The following CASK variants were observed in gnomAD, a reference collection of about 807,000 sequenced individuals.
CASK encodes the protein peripheral plasma membrane protein CASK.
In CASK, 4 loss-of-function variants were observed where a neutral mutation model predicts 82.9. The ratio of observed to expected loss-of-function variants is 0.05; its 90% CI spans 0.02 to 0.11. CASK has a LOEUF of 0.11. CASK is among the 10% of genes least tolerant of loss of function. CASK has a pLI of 1.00. For missense variants in CASK, 358 were observed against 720.9 expected, an observed-to-expected ratio of 0.50 and a Z score of 5.76; for synonymous variants, 259 against 253.5, an observed-to-expected ratio of 1.02 and a Z score of -0.20.
chrX:41,579,847 CT>C (rs1415801045), intron 14 of CASK, among the ~76,000 whole-genome samples: 1 of 111,367 alleles, frequency 9.0e-6, no homozygotes, highest in Non-Finnish European at 1.9e-5. Context: ...AGGTAACAAT[CT>C]GGTAAAATCA....
intron 5 of CASK, among the ~76,000 whole-genome samples, chrX:41,672,103 A>T (rs974934845): frequency 2.7e-5 from 3 of 109,760 alleles, no homozygotes; most frequent in East Asian, 2.9e-4. Context: ...GTTCCCAGGG[A>T]CTTCAACGCT....
At chrX:41,767,790 C>T (rs2069145527) in intron 3 of CASK, among the ~76,000 whole-genome samples, 1 of 111,491 alleles carries the variant, frequency 9.0e-6, no homozygotes, top group African/African-American at 3.3e-5. Flanking sequence ...ATGCCCTTCT[C>T]ATCACATCAT....
At chrX:41,809,748 T>C (rs932931200) in intron 2 of CASK, among the ~76,000 whole-genome samples, 20 of 112,244 alleles carry the variant, frequency 1.8e-4, no homozygotes, top group Non-Finnish European at 3.4e-4. Context: ...AGAATGACTT[T>C]GACGAGTTGA....
chrX:41,577,347 T>A (rs1416562944), intron 15 of CASK, among the ~76,000 whole-genome samples: 5 of 112,036 alleles, frequency 4.5e-5, no homozygotes, highest in Admixed American at 1.9e-4. Flanking sequence ...CAGAGTTCCA[T>A]CATATCTGCC....
chrX:41,633,394 C>A (rs1194797777), intron 9 of CASK, among the ~76,000 whole-genome samples: 1 of 110,570 alleles, frequency 9.0e-6, no homozygotes, highest in Non-Finnish European at 1.9e-5. Flanking sequence ...GTACCTCCTT[C>A]AGTAGATGAC....
intron 1 of CASK, among the ~76,000 whole-genome samples, chrX:41,917,726 C>T (rs982329749): frequency 8.9e-6 from 1 of 111,964 alleles, no homozygotes; most frequent in African/African-American, 3.2e-5. Context: ...TCAAACAACA[C>T]ACCCTAAAGC....
chrX:41,800,870 C>G (rs1240403551), intron 2 of CASK, among the ~76,000 whole-genome samples: 1 of 111,655 alleles, frequency 9.0e-6, no homozygotes, highest in Non-Finnish European at 1.9e-5. Context: ...AAGGCATTGT[C>G]AAAAAGAAGG....
chrX:41,625,942 CTTTTTTTTTTTT>C (rs748063155), intron 10 of CASK, among the ~76,000 whole-genome samples: 19 of 40,355 alleles, frequency 4.7e-4, no homozygotes, highest in Non-Finnish European at 7.8e-4. Flanking sequence ...GCACGCCTGG[CTTTTTTTTTTTT>C]TTTTTTTTTT....
chrX:41,606,917 TC>T (rs2065972342), intron 12 of CASK, among the ~76,000 whole-genome samples: 1 of 110,374 alleles, frequency 9.1e-6, no homozygotes, highest in African/African-American at 3.3e-5. Context: ...GGTCTTGAGC[TC>T]CTGGGCTCAA....
chrX:41,652,138 T>C (rs149569643), intron 8 of CASK, among the ~76,000 whole-genome samples: 131 of 110,816 alleles, frequency 1.2e-3, no homozygotes, highest in African/African-American at 4.1e-3. Flanking sequence ...GGAAGGGTCA[T>C]ATAAAGGTGC....
intron 2 of CASK, among the ~76,000 whole-genome samples, chrX:41,806,731 T>C (rs1298757617): frequency 8.9e-6 from 1 of 112,058 alleles, no homozygotes; most frequent in Non-Finnish European, 1.9e-5. Flanking sequence ...CAAGAAGATG[T>C]AGAATAGTGT....
At chrX:41,757,070 G>A (rs2068908750) in intron 3 of CASK, among the ~76,000 whole-genome samples, 1 of 112,005 alleles carries the variant, frequency 8.9e-6, no homozygotes, top group Middle Eastern at 4.2e-3. Flanking sequence ...TTAAAATACA[G>A]AGCCTATGTC....
intron 2 of CASK, among the ~76,000 whole-genome samples, chrX:41,791,171 A>T (rs1364282122): frequency 1.8e-5 from 2 of 109,714 alleles, no homozygotes; most frequent in Non-Finnish European, 3.8e-5. Context: ...TTTAATTTCA[A>T]TAGCTTTTGT....
At chrX:41,642,972 C>G (rs2066685676) in intron 8 of CASK, among the ~76,000 whole-genome samples, 2 of 111,837 alleles carry the variant, frequency 1.8e-5, no homozygotes, top group Non-Finnish European at 1.9e-5. Context: ...ATATGGCTAC[C>G]CAGTTTTCCC....
chrX:41,590,159 T>C (rs1168238030), intron 12 of CASK: 2 of 113,558 alleles, frequency 1.8e-5, no homozygotes, highest in Non-Finnish European at 3.7e-5. Context: ...GTCAAGGACA[T>C]AAACTTTTTT....
intron 2 of CASK, among the ~76,000 whole-genome samples, chrX:41,815,666 G>T (rs1313881094): frequency 9.0e-6 from 1 of 111,016 alleles, no homozygotes; most frequent in Non-Finnish European, 1.9e-5. Flanking sequence ...CATGTAACTG[G>T]AGCCCTTCAA....
intron 5 of CASK, chrX:41,729,036 T>C (rs1602533519): frequency 8.1e-6 from 1 of 123,586 alleles, no homozygotes; most frequent in East Asian, 2.8e-4. Flanking sequence ...TTTTCTTCTG[T>C]ATTCAATATA....
chrX:41,707,805 C>T (rs2067908779), intron 5 of CASK, among the ~76,000 whole-genome samples: 1 of 111,039 alleles, frequency 9.0e-6, no homozygotes, highest in African/African-American at 3.3e-5. Flanking sequence ...GAGATAAAAA[C>T]AAGTACATGC....
chrX:41,852,139 T>A (rs1376414539), intron 2 of CASK, among the ~76,000 whole-genome samples: 2 of 111,315 alleles, frequency 1.8e-5, no homozygotes, highest in Admixed American at 1.9e-4. Context: ...CTTCTAAGAA[T>A]CTTCCATAAT....
Sources: gnomAD v4.1 joint callset for allele counts (sites outside exome capture counted in the v4.1 genomes callset) on GRCh38, gnomAD v4.1.1 for gene constraint, MANE v1.5 for transcripts, NCBI Gene and HGNC (gene_info 2026-07-23, HGNC 2026-07-21) for gene names.